ADNP: variants seen among roughly 807,000 people sequenced by gnomAD.
ADNP encodes the protein activity dependent neuroprotector homeobox, also known as activity-dependent neuroprotector homeobox protein.
Under a neutral mutation model 84.9 loss-of-function variants are expected in ADNP, and 4 were observed. The observed-to-expected ratio is 0.05, with a 90% CI of 0.02 to 0.11. The LOEUF is 0.11. Ranked by LOEUF, ADNP falls within the 10% of genes least tolerant of loss-of-function variation. The pLI is 1.00. For synonymous variants in ADNP, 554 were observed against 468.1 expected (o/e 1.18, Z -2.37); for missense variants, 1,132 against 1,326.0 (o/e 0.85, Z 2.27).
chr20:50,925,911 G>T (rs1453410114), intron 2 of ADNP, among the ~76,000 whole-genome samples: 1 of 152,226 alleles, frequency 6.6e-6, no homozygotes, highest in Non-Finnish European at 1.5e-5. Flanking sequence ...GACCAGCTTG[G>T]CCAACATGGC....
rs188983238 is a variant in ADNP at position 50,906,452 on chromosome 20, T to C, written c.-89-1603A>G. Among the ~76,000 whole-genome samples the C allele has an allele frequency of 2.1e-3, 326 of 152,350 alleles. 2 individuals carry two copies. The highest frequency in any genetic ancestry group is 7.7e-3 in the African/African-American group (322 of 41,582). On this transcript the variant is annotated intron_variant, in intron 2 of 5. Transcript: ENST00000621696. Reference sequence around the variant, plus strand: ...CTTTGGGAACTTCCTGAGTTAACTCTGCTTCACACTTCATAACAGATGTGT... The same window carrying C: ...CTTTGGGAACTTCCTGAGTTAACTCCGCTTCACACTTCATAACAGATGTGT...
In ADNP at chr20:50,890,114, G is replaced by T; in HGVS notation, c.*1291C>A. On this transcript the variant is annotated 3_prime_UTR_variant, in exon 6 of 6. Coordinates refer to ENST00000621696, the MANE Select transcript of ADNP (RefSeq NM_001282531.3). ...CAAAAGGTGAACTGAAAAACTCAAG[G>T]GTGTTTGTTTTTCAGTTAAAAAAAA... The T allele has an allele frequency of 5.3e-6, 1 of 189,018 alleles. No homozygotes were observed. 11.7% of individuals were successfully genotyped at this position (189,018 alleles called of 1,614,324 possible).
In ADNP at chr20:50,894,127, T is replaced by G; in HGVS notation, c.587A>C (p.Tyr196Ser). The G allele has an allele frequency of 6.2e-7, 1 of 1,614,196 alleles. No individual in the cohort carries two copies. The highest frequency in any genetic ancestry group is 8.5e-7 in the Non-Finnish European group (1 of 1,180,022). The change falls in exon 6 of 6, where the codon TAC becomes TCC. Residue 196 changes from tyrosine (Y) to serine (S), a missense_variant. Transcript: ENST00000621696. ...REHFQHVAAP[Y>S]IAKAGEKSLN... ...TGATTTTTCTCCTGCCTTTGCTATG[T>G]AAGGTGCTGCCACATGCTGAAAATG...
In ADNP at chr20:50,904,074, T is replaced by C. The variant is rs78073719; in HGVS notation, c.-5-73A>G. ...TAATATTTACTAATTCCACTGATGA[T>C]AGGATCATAAAACCTACCCATCTGA... On this transcript the variant is annotated intron_variant, in intron 3 of 5. Transcript: ENST00000621696. The C allele has an allele frequency of 3.3e-4, 394 of 1,197,576 alleles. 1 individual carries two copies. In the African/African-American group the frequency reaches 5.2e-3, roughly 16 times the overall value. 74.2% of individuals were successfully genotyped at this position (1,197,576 alleles called of 1,614,324 possible).
intron 2 of ADNP, among the ~76,000 whole-genome samples, chr20:50,924,722 G>C (rs1168252000): frequency 6.6e-6 from 1 of 152,186 alleles, no homozygotes; most frequent in Non-Finnish European, 1.5e-5. Flanking sequence ...AGTCACATGA[G>C]AAGTGACATA....
intron 2 of ADNP, among the ~76,000 whole-genome samples, chr20:50,917,657 CTCAA>C (rs1983618370): frequency 6.6e-6 from 1 of 152,138 alleles, no homozygotes; most frequent in African/African-American, 2.4e-5. Context: ...CTGGTCTGTT[CTCAA>C]CTACCTCCAG....
At position 50,926,301 on chromosome 20, in the gene ADNP, GAC is replaced by G. The variant is rs1274735184; in HGVS notation, c.-90+2348_-90+2349del. Among the ~76,000 whole-genome samples the G allele has an allele frequency of 7.9e-5, 12 of 152,296 alleles. 1 individual carries two copies. The highest frequency in any genetic ancestry group is 2.9e-4 in the African/African-American group (12 of 41,546). The stretch of plus-strand genomic sequence containing the variant: ...CTGAAAGTTATTTTACCTTATGTAA[GAC>G]ATAACTGACTTTATGATGCTCTTTT... On this transcript the variant is annotated intron_variant, in intron 2 of 5. Transcript: ENST00000621696.
chr20:50,916,170 C>T (rs781433713), intron 2 of ADNP, among the ~76,000 whole-genome samples: 31 of 152,192 alleles, frequency 2.0e-4, no homozygotes, highest in South Asian at 6.2e-4. Context: ...TGGTATTTAT[C>T]TAAATATAGC....
intron 2 of ADNP, among the ~76,000 whole-genome samples, chr20:50,912,376 C>T (rs1488312439): frequency 1.3e-5 from 2 of 152,174 alleles, no homozygotes; most frequent in Non-Finnish European, 2.9e-5. Flanking sequence ...TCTCGAACTC[C>T]TGACCTCAAG....
intron 2 of ADNP, among the ~76,000 whole-genome samples, chr20:50,926,031 C>A (rs893136942): frequency 6.6e-6 from 1 of 152,172 alleles, no homozygotes; most frequent in Non-Finnish European, 1.5e-5. Flanking sequence ...ACCCGGGAAG[C>A]AGAGGTTGCA....
chr20:50,926,710 A>C (rs1161951158), intron 2 of ADNP, among the ~76,000 whole-genome samples: 1 of 152,134 alleles, frequency 6.6e-6, no homozygotes, highest in Non-Finnish European at 1.5e-5. Context: ...ACATACACAC[A>C]CCCAATTGTG....
chr20:50,898,894 T>C (rs942940350), intron 5 of ADNP, among the ~76,000 whole-genome samples: 2 of 152,220 alleles, frequency 1.3e-5, no homozygotes, highest in Non-Finnish European at 2.9e-5. Context: ...TTTTTAACTG[T>C]CATTATCAGG....
intron 5 of ADNP, among the ~76,000 whole-genome samples, chr20:50,896,010 A>C (rs889092514): frequency 2.8e-4 from 42 of 151,582 alleles, no homozygotes; most frequent in African/African-American, 2.4e-5. Context: ...GGATCACCTG[A>C]GGTCAAGAGC....
chr20:50,894,551 C>T (rs372488760), intron 5 of ADNP, 39 bp from the exon 6 acceptor site: 7 of 1,540,474 alleles, frequency 4.5e-6, no homozygotes, highest in South Asian at 3.9e-5. Flanking sequence ...AATGCCACTT[C>T]AGATAGGCAG....
intron 1 of ADNP, among the ~76,000 whole-genome samples, chr20:50,929,884 G>A (rs1984548808): frequency 6.6e-6 from 1 of 152,150 alleles, no homozygotes; most frequent in Admixed American, 6.5e-5. Flanking sequence ...GGCAAGAAGT[G>A]TCCAGAGTAA....
In ADNP at chr20:50,928,840, AGAG is replaced by A. The variant is rs1359410477; in HGVS notation, c.-264-18_-264-16del. 6.6e-6 allele frequency: 1 copy of A among 152,244 alleles called. No individual in the cohort carries two copies. The highest frequency in any genetic ancestry group is 2.4e-5 in the African/African-American group (1 of 41,460). The allele number at this position is 152,244 out of a possible 1,614,324, so 9.4% of individuals were successfully genotyped here. A position where few individuals can be genotyped will look rare whatever the true frequency, so the allele number is the denominator to read the frequency against. On this transcript the variant is annotated splice_polypyrimidine_tract_variant and intron_variant, in intron 1 of 5. Transcript: ENST00000621696. ...GCATCTCACACCTATGGAAATAACAAGAGGAGTAAAATCTATGGAAATCAACAC... is the reference window on the plus strand; with the variant it reads ...GCATCTCACACCTATGGAAATAACAAGAGTAAAATCTATGGAAATCAACAC...
rs1404898538 is a variant in ADNP at position 50,893,522 on chromosome 20, T to C, written c.1192A>G (p.Asn398Asp). 2 of 1,613,726 alleles carry C rather than the reference T, an allele frequency of 1.2e-6. No individual in the cohort carries two copies. Among genetic ancestry groups the C allele is most frequent in the Non-Finnish European group, 1.7e-6 (2 of 1,180,012 alleles). Residue 398 changes from asparagine to aspartate, a missense_variant, in exon 6 of 6, where the codon AAT (asparagine) becomes GAT (aspartate). Physicochemically the swap from Asn to Asp is conservative, Grantham distance 23. Transcript: ENST00000621696. This position sits in a 1 kb window ranked among gnomAD's most constrained non-coding sequence, Gnocchi z 4.4. ...APARYSLQSA[N>D]ASSLSSGQLK... ...TGGCCCGATGAGAGAGAAGAGGCAT[T>C]AGCAGACTGCAGGGAGTATCTTGCT...
In ADNP at chr20:50,903,987, G is replaced by A; in HGVS notation, c.10C>T (p.Leu4Phe). MFQ[L>F]PVNNLGSLRK... ...AAACTGCCAAGATTGTTGACAGGAA[G>A]TTGGAACATAGTTTCTATTGGAAAA... Residue 4 changes from leucine (L) to phenylalanine (F), a missense_variant, in exon 4 of 6, where the codon CTT becomes TTT. Physicochemically the swap from Leu to Phe is conservative, Grantham distance 22. This residue lies in a region of ADNP where 56 missense variants were observed against 94.6 expected (regional missense o/e 0.59). Coordinates refer to ENST00000621696, the MANE Select transcript of ADNP (RefSeq NM_001282531.3). 2 of 1,612,886 alleles carry A rather than the reference G, an allele frequency of 1.2e-6. No individual in the cohort carries two copies. Among genetic ancestry groups the A allele is most frequent in the Non-Finnish European group, 1.7e-6 (2 of 1,179,702 alleles).
intron 2 of ADNP, among the ~76,000 whole-genome samples, chr20:50,906,988 G>A (rs75244980): frequency 4.5e-5 from 2 of 44,036 alleles, no homozygotes; most frequent in South Asian, 1.2e-3. Context: ...TTTTTTTTTT[G>A]AGACAGTCTC....
Sources: gnomAD v4.1 joint callset for allele counts (sites outside exome capture counted in the v4.1 genomes callset) on GRCh38, gnomAD v4.1.1 for gene constraint, gnomAD v4.1.1 regional missense constraint, Gnocchi (gnomAD v3.1) non-coding constraint, MANE v1.5 for transcripts, NCBI Gene and HGNC (gene_info 2026-07-23, HGNC 2026-07-21) for gene names.